The following FUT8 variants were observed in gnomAD, a reference collection of about 807,000 sequenced individuals.
FUT8 encodes alpha-(1,6)-fucosyltransferase.
In FUT8, 29 loss-of-function variants were observed where a neutral mutation model predicts 71.3. The observed-to-expected ratio is 0.41, with a 90% CI of 0.30 to 0.55. The LOEUF is 0.55. FUT8 is among the 20% of genes least tolerant of loss of function. The pLI is 0.34. For synonymous variants in FUT8, 254 were observed against 239.3 expected (o/e 1.06, Z -0.57); for missense variants, 544 against 702.1 (o/e 0.77, Z 2.55).
intron 6 of FUT8, among the ~76,000 whole-genome samples, chr14:65,637,349 C>T (rs964311998): frequency 6.6e-6 from 1 of 152,140 alleles, no homozygotes; most frequent in Non-Finnish European, 1.5e-5. Context: ...CTGTATACTT[C>T]AAGCCTTAGT....
intron 6 of FUT8, among the ~76,000 whole-genome samples, chr14:65,668,151 A>T (rs565209119): frequency 1.3e-5 from 2 of 152,208 alleles, no homozygotes; most frequent in Admixed American, 1.3e-4. Flanking sequence ...ACCATTGTGG[A>T]TATAGGCCCT....
the FUT8 span, among the ~76,000 whole-genome samples, chr14:65,360,070 A>C: frequency 6.6e-6 from 1 of 152,140 alleles, no homozygotes; most frequent in Non-Finnish European, 1.5e-5. Flanking sequence ...TGACCTCATG[A>C]TCCGTCCGCC....
chr14:65,399,249 G>A, the FUT8 span, among the ~76,000 whole-genome samples: 4 of 152,230 alleles, frequency 2.6e-5, no homozygotes, highest in African/African-American at 4.8e-5. Flanking sequence ...CCCAAGAGGC[G>A]GAGGTTGCAG....
At chr14:65,415,966 T>C (rs188035442) in intron 1 of FUT8, among the ~76,000 whole-genome samples, 6 of 152,346 alleles carry the variant, frequency 3.9e-5, no homozygotes, top group Non-Finnish European at 8.8e-5. Context: ...GATAGTTATA[T>C]GTATATTAAA....
At chr14:65,395,125 C>T in the FUT8 span, among the ~76,000 whole-genome samples, 5 of 152,204 alleles carry the variant, frequency 3.3e-5, no homozygotes, top group African/African-American at 9.7e-5. Context: ...AGGTAGGCTC[C>T]CACGGTCTTG....
chr14:65,408,529 T>C (rs757906332), upstream of FUT8, among the ~76,000 whole-genome samples: 1 of 152,210 alleles, frequency 6.6e-6, no homozygotes. Context: ...CTTTCTGTAG[T>C]TGGAGTTTTG....
intron 3 of FUT8, among the ~76,000 whole-genome samples, chr14:65,586,051 T>C (rs1221847643): frequency 6.6e-6 from 1 of 152,030 alleles, no homozygotes; most frequent in African/African-American, 2.4e-5. Flanking sequence ...GCATAGAGAA[T>C]AGAAAATATG....
At chr14:65,724,903 G>A (rs894689980) in intron 9 of FUT8, among the ~76,000 whole-genome samples, 6 of 152,130 alleles carry the variant, frequency 3.9e-5, no homozygotes, top group South Asian at 2.1e-4. Context: ...CCTCATCTAA[G>A]CCTAATTATT....
chr14:65,407,436 T>G (rs1031651823), upstream of FUT8, among the ~76,000 whole-genome samples: 1 of 152,174 alleles, frequency 6.6e-6, no homozygotes, highest in African/African-American at 2.4e-5. Context: ...AAGAGTATGA[T>G]CTATTACATT....
chr14:65,706,463 G>T (rs923804762), intron 7 of FUT8, among the ~76,000 whole-genome samples: 2 of 152,178 alleles, frequency 1.3e-5, no homozygotes, highest in African/African-American at 4.8e-5. Context: ...GAGAATGAAT[G>T]ACCTTATAAA....
chr14:65,565,054 G>A (rs1437195396), intron 3 of FUT8, among the ~76,000 whole-genome samples: 1 of 151,978 alleles, frequency 6.6e-6, no homozygotes, highest in Admixed American at 6.6e-5. Context: ...TCTGGTGAGG[G>A]CCTGAGGCTG....
intron 2 of FUT8, chr14:65,516,519 A>G (rs1229467095): frequency 6.6e-6 from 1 of 152,156 alleles, no homozygotes; most frequent in African/African-American, 2.4e-5. Context: ...AATTAAAATA[A>G]CTTTATTTTT....
intron 2 of FUT8, among the ~76,000 whole-genome samples, chr14:65,506,581 G>A (rs2066738147): frequency 6.6e-6 from 1 of 152,076 alleles, no homozygotes; most frequent in South Asian, 2.1e-4. Flanking sequence ...TTTGAAAATT[G>A]GGTAGTAAGG....
At chr14:65,570,549 C>A (rs1886414427) in intron 3 of FUT8, among the ~76,000 whole-genome samples, 1 of 151,940 alleles carries the variant, frequency 6.6e-6, no homozygotes, top group Non-Finnish European at 1.5e-5. Flanking sequence ...AAGTGGAGTT[C>A]ATTTATCCCA....
chr14:65,374,650 A>G, the FUT8 span, among the ~76,000 whole-genome samples: 1 of 151,088 alleles, frequency 6.6e-6, no homozygotes, highest in Admixed American at 6.6e-5. Flanking sequence ...GCTGGAGTGC[A>G]GTGGTACAAT....
chr14:65,698,921 A>G (rs992590878), intron 7 of FUT8, among the ~76,000 whole-genome samples: 1 of 152,182 alleles, frequency 6.6e-6, no homozygotes, highest in Non-Finnish European at 1.5e-5. Context: ...AAAAACATGC[A>G]GTTTGCTAAA....
chr14:65,506,807 A>G (rs867963727), intron 2 of FUT8, among the ~76,000 whole-genome samples: 1 of 152,206 alleles, frequency 6.6e-6, no homozygotes, highest in Admixed American at 6.5e-5. Context: ...TTAGTTATTT[A>G]AAAATGTACA....
chr14:65,438,761 G>T (rs2065598025), intron 1 of FUT8, among the ~76,000 whole-genome samples: 1 of 152,060 alleles, frequency 6.6e-6, no homozygotes, highest in Non-Finnish European at 1.5e-5. Flanking sequence ...TGAACTCTTG[G>T]TGCTGTTTCA....
At chr14:65,731,154 A>G (rs997267166) in intron 9 of FUT8, among the ~76,000 whole-genome samples, 21 of 152,248 alleles carry the variant, frequency 1.4e-4, no homozygotes, top group Admixed American at 1.2e-3. Context: ...AAGTCAAAAT[A>G]TAATGTGTGG....
Sources: gnomAD v4.1 joint callset for allele counts (sites outside exome capture counted in the v4.1 genomes callset) on GRCh38, gnomAD v4.1.1 for gene constraint, MANE v1.5 for transcripts, NCBI Gene and HGNC (gene_info 2026-07-23, HGNC 2026-07-21) for gene names.